Variants in HEPACAM observed in about 807,000 individuals in gnomAD.
HEPACAM encodes the protein hepatocyte cell adhesion molecule.
HEPACAM carries 18 observed loss-of-function variants against 38.3 expected under a neutral mutation model. That is an observed-to-expected ratio of 0.47 (90% CI 0.33 to 0.70). The LOEUF is 0.70. Ranked by LOEUF, HEPACAM falls within the 30% of genes least tolerant of loss-of-function variation. The pLI is 0.03. For synonymous variants in HEPACAM, 216 were observed against 243.1 expected (o/e 0.89, Z 1.04); for missense variants, 466 against 563.0 (o/e 0.83, Z 1.74).
At chr11:124,925,190 AATCCT>A (rs1947192265) in intron 1 of HEPACAM, 121 bp from the exon 2 acceptor site, 5 of 724,782 alleles carry the variant, frequency 6.9e-6, no homozygotes, top group Non-Finnish European at 1.1e-5. Flanking sequence ...ACTCCCTGCC[AATCCT>A]GGCTTCTTAA....
chr11:124,930,029 T>G (rs867612812), intron 1 of HEPACAM, among the ~76,000 whole-genome samples: 1 of 152,218 alleles, frequency 6.6e-6, no homozygotes, highest in South Asian at 2.1e-4. Flanking sequence ...CCTTTTCATC[T>G]GAAAAGTTTT....
intron 1 of HEPACAM, among the ~76,000 whole-genome samples, chr11:124,925,663 C>T (rs570201722): frequency 6.6e-6 from 1 of 152,140 alleles, no homozygotes; most frequent in Non-Finnish European, 1.5e-5. Flanking sequence ...AGAGCCTCTT[C>T]CCGTTTTTTT....
rs1368743644 is a variant in HEPACAM at position 124,928,213 on chromosome 11, A to G, written c.86-3144T>C. ...CCTACTGGCTCTGCGCATCAGACTA[A>G]AGTCCATTTGGCCACATGATCCTTA... On this transcript the variant is annotated intron_variant, in intron 1 of 6. Coordinates refer to ENST00000298251, the MANE Select transcript of HEPACAM (RefSeq NM_152722.5). Among the ~76,000 whole-genome samples, 3 of 152,312 alleles carry G rather than the reference A, an allele frequency of 2.0e-5. No homozygotes were observed. In the East Asian group the frequency reaches 5.8e-4, roughly 29 times the overall value.
At chr11:124,932,724 GA>G (rs1947293489) in intron 1 of HEPACAM, among the ~76,000 whole-genome samples, 1 of 152,126 alleles carries the variant, frequency 6.6e-6, no homozygotes, top group Non-Finnish European at 1.5e-5. Context: ...GTAGCAAAGA[GA>G]ACTAGTGCAA....
At chr11:124,922,032 GC>G (rs889233705) in intron 6 of HEPACAM, among the ~76,000 whole-genome samples, 3 of 152,226 alleles carry the variant, frequency 2.0e-5, no homozygotes, top group Admixed American at 6.5e-5. Context: ...TTACAGACAT[GC>G]CCCATGGCTT....
At position 124,919,923 on chromosome 11, in the gene HEPACAM, A is replaced by G. The variant is rs1229116465; in HGVS notation, c.*1215T>C. 1.9e-6 allele frequency: 3 copies of G among 1,613,928 alleles called. No homozygotes were observed. In the African/African-American group the frequency reaches 4.0e-5, roughly 22 times the overall value. The stretch of plus-strand genomic sequence containing the variant: ...ATTGCCCTCTCTCCTCACACAGTAG[A>G]TTACTGCCACTCCTATGAACTGTTC... On this transcript the variant is annotated 3_prime_UTR_variant, in exon 7 of 7. Transcript: ENST00000298251.
chr11:124,932,080 G>A (rs1947286941), intron 1 of HEPACAM, among the ~76,000 whole-genome samples: 1 of 152,186 alleles, frequency 6.6e-6, no homozygotes, highest in Non-Finnish European at 1.5e-5. Context: ...AGCAGTAACT[G>A]AGATAGTATG....
chr11:124,932,387 C>T (rs1028002937), intron 1 of HEPACAM, among the ~76,000 whole-genome samples: 31 of 152,136 alleles, frequency 2.0e-4, no homozygotes, highest in African/African-American at 7.0e-4. Context: ...ACATTTACGG[C>T]ATGCTGTGCC....
At position 124,924,097 on chromosome 11, in the gene HEPACAM, CT is replaced by C; in HGVS notation, c.428-88del. ...TTTAGCTCCCTGCCTTCCAACACAC[CT>C]TTAACACTACCTTCCAACTCAATCT... is the stretch of plus-strand genomic sequence containing the variant. On this transcript the variant is annotated intron_variant, in intron 2 of 6. Coordinates refer to ENST00000298251, the MANE Select transcript of HEPACAM (RefSeq NM_152722.5). The surrounding 1 kb of genome is among the most constrained non-coding windows in gnomAD (Gnocchi z 4.4). The C allele has an allele frequency of 7.9e-7, 1 of 1,264,686 alleles. No homozygotes were observed. The highest frequency in any genetic ancestry group is 1.1e-6 in the Non-Finnish European group (1 of 899,864). The allele number at this position is 1,264,686 out of a possible 1,614,324, so 78.3% of individuals were successfully genotyped here.
chr11:124,919,991 A>G lies in HEPACAM; in HGVS notation c.*1147T>C. The G allele has an allele frequency of 6.2e-7, 1 of 1,613,250 alleles. No individual in the cohort carries two copies. Among genetic ancestry groups the G allele is most frequent in the Non-Finnish European group, 8.5e-7 (1 of 1,179,984 alleles). Reference sequence around the variant, plus strand: ...GCATGTCCTGGCTACACAGCGGCCCAGCCTCTTTATTTTGATGTTAGTGTG... The same window carrying G: ...GCATGTCCTGGCTACACAGCGGCCCGGCCTCTTTATTTTGATGTTAGTGTG... On this transcript the variant is annotated 3_prime_UTR_variant, in exon 7 of 7. Transcript: ENST00000298251.
intron 6 of HEPACAM, among the ~76,000 whole-genome samples, chr11:124,922,114 C>G (rs575347938): frequency 7.2e-5 from 11 of 152,350 alleles, no homozygotes; most frequent in Admixed American, 7.2e-4. Context: ...CGTAGGAGCA[C>G]ACACCCTATT....
intron 1 of HEPACAM, among the ~76,000 whole-genome samples, chr11:124,931,065 G>A (rs906766551): frequency 3.9e-5 from 6 of 152,168 alleles, no homozygotes; most frequent in African/African-American, 1.4e-4. Flanking sequence ...CATAAAGTGG[G>A]AGGAGATATT....
At position 124,920,721 on chromosome 11, in the gene HEPACAM, C is replaced by T; in HGVS notation, c.*417G>A. Reference sequence around the variant, plus strand: ...AAAAAAAAAAAAAAGTGCCCCAGCACTCAGGCATTTGTTCAGAGGGAAGGG... The same window carrying T: ...AAAAAAAAAAAAAAGTGCCCCAGCATTCAGGCATTTGTTCAGAGGGAAGGG... On this transcript the variant is annotated 3_prime_UTR_variant, in exon 7 of 7. Transcript: ENST00000298251. 1.0e-6 allele frequency: 1 copy of T among 1,003,046 alleles called. No individual in the cohort carries two copies. The highest frequency in any genetic ancestry group is 1.2e-6 in the Non-Finnish European group (1 of 839,740). The allele number at this position is 1,003,046 out of a possible 1,614,324, so 62.1% of individuals were successfully genotyped here. A position where few individuals can be genotyped will look rare whatever the true frequency, so the allele number is the denominator to read the frequency against.
rs71042463 is a variant in HEPACAM, at chr11:124,920,678, C to CAAAAAAAAAAAAA, written c.*447_*459dup. The CAAAAAAAAAAAAA allele has an allele frequency of 4.0e-5, 23 of 575,206 alleles. No individual in the cohort carries two copies. The highest frequency in any genetic ancestry group is 9.3e-5 in the African/African-American group (2 of 21,524). 35.6% of individuals were successfully genotyped at this position (575,206 alleles called of 1,614,324 possible). ...AAGTGGCCTCTCTAATCTGAACTTG[C>CAAAAAAAAAAAAA]AAAAAAAAAAAAAAAAAAAAAAAAA... On this transcript the variant is annotated 3_prime_UTR_variant, in exon 7 of 7. Coordinates refer to ENST00000298251, the MANE Select transcript of HEPACAM (RefSeq NM_152722.5).
Position 124,924,016 on chromosome 11 carries a change from C to A in HEPACAM, c.428-6G>T, listed in dbSNP as rs902481095. On this transcript the variant is annotated splice_polypyrimidine_tract_variant and splice_region_variant and intron_variant, in intron 2 of 6. Coordinates refer to ENST00000298251, the MANE Select transcript of HEPACAM (RefSeq NM_152722.5). The surrounding 1 kb of genome is among the most constrained non-coding windows in gnomAD (Gnocchi z 4.4). The stretch of plus-strand genomic sequence containing the variant: ...CTGTGGCCTCGAAATGGGCACTGAG[C>A]CGCAGGAATGGGGGAGCCTGTAAGT... The A allele has an allele frequency of 3.7e-6, 6 of 1,605,498 alleles. No individual in the cohort carries two copies. Among genetic ancestry groups the A allele is most frequent in the Non-Finnish European group, 4.2e-6 (5 of 1,178,464 alleles).
intron 1 of HEPACAM, among the ~76,000 whole-genome samples, chr11:124,930,767 G>C (rs1195584606): frequency 6.6e-6 from 1 of 152,238 alleles, no homozygotes; most frequent in Non-Finnish European, 1.5e-5. Context: ...GGAGAAAAGT[G>C]CTTTTCACAA....
At position 124,924,074 on chromosome 11, in the gene HEPACAM, T is replaced by C. The variant is rs11219839; in HGVS notation, c.428-64A>G. The stretch of plus-strand genomic sequence containing the variant: ...TAAGAAGTGTCTCCCTTCCCCTTTT[T>C]AGCTCCCTGCCTTCCAACACACCTT... On this transcript the variant is annotated intron_variant, in intron 2 of 6. Transcript: ENST00000298251. The surrounding 1 kb of genome is among the most constrained non-coding windows in gnomAD (Gnocchi z 4.4). 998 of 1,493,776 alleles carry C rather than the reference T, an allele frequency of 6.7e-4. 15 individuals are homozygous for C. In the East Asian group the frequency reaches 0.019, roughly 29 times the overall value. 92.5% of individuals were successfully genotyped at this position (1,493,776 alleles called of 1,614,324 possible). A position where few individuals can be genotyped will look rare whatever the true frequency, so the allele number is the denominator to read the frequency against.
intron 1 of HEPACAM, among the ~76,000 whole-genome samples, chr11:124,925,632 G>A (rs960698457): frequency 3.1e-4 from 47 of 152,142 alleles, no homozygotes; most frequent in African/African-American, 1.1e-3. Context: ...GGGGCCTGAA[G>A]ACCACTTTCT....
Position 124,924,596 on chromosome 11 carries a change from G to T in HEPACAM, c.427+132C>A. On this transcript the variant is annotated intron_variant, in intron 2 of 6. Transcript: ENST00000298251. This position sits in a 1 kb window ranked among gnomAD's most constrained non-coding sequence, Gnocchi z 4.4. ...CTGTGCCTGTCTGCCAACTTCTAAT[G>T]TCCACTTGCCTCATTCTCAGCTCCC... 1 of 817,700 alleles carries T rather than the reference G, an allele frequency of 1.2e-6. No homozygotes were observed. 50.7% of individuals were successfully genotyped at this position (817,700 alleles called of 1,614,324 possible).
Sources: gnomAD v4.1 joint callset for allele counts (sites outside exome capture counted in the v4.1 genomes callset) on GRCh38, gnomAD v4.1.1 for gene constraint, Gnocchi (gnomAD v3.1) non-coding constraint, MANE v1.5 for transcripts, NCBI Gene and HGNC (gene_info 2026-07-23, HGNC 2026-07-21) for gene names.